Variants in SLC5A12 observed in about 807,000 individuals in gnomAD.
SLC5A12 encodes solute carrier family 5 member 12.
A neutral mutation model predicts 72.7 loss-of-function variants in SLC5A12; 46 were observed. The observed-to-expected ratio is 0.63, with a 90% CI of 0.50 to 0.81. The LOEUF is 0.81. Among genes scored for constraint, SLC5A12 ranks in the 30% least tolerant of loss-of-function variants. SLC5A12 has a pLI of 0.00. For missense variants in SLC5A12, 683 were observed against 740.7 expected (o/e 0.92, Z 0.90); for synonymous variants, 275 against 264.4 (o/e 1.04, Z -0.39).
chr11:26,671,998 T>C (rs374935882), intron 14 of SLC5A12, among the ~76,000 whole-genome samples: 15 of 152,268 alleles, frequency 9.9e-5, no homozygotes, highest in African/African-American at 3.6e-4. Flanking sequence ...AAGCCACTGT[T>C]CAATTATCAA....
intron 1 of SLC5A12, among the ~76,000 whole-genome samples, chr11:26,719,431 G>A (rs1197903140): frequency 6.6e-6 from 1 of 152,040 alleles, no homozygotes; most frequent in African/African-American, 2.4e-5. Context: ...CCTAATCATT[G>A]TGACAACCAA....
intron 4 of SLC5A12, among the ~76,000 whole-genome samples, chr11:26,704,597 A>G (rs1169428567): frequency 6.6e-6 from 1 of 152,182 alleles, no homozygotes; most frequent in East Asian, 1.9e-4. Flanking sequence ...TGTGTGGAGA[A>G]TCAACTGCAG....
chr11:26,689,033 G>C, intron 9 of SLC5A12, among the ~76,000 whole-genome samples: 1 of 139,572 alleles, frequency 7.2e-6, no homozygotes, highest in East Asian at 2.1e-4. Context: ...AATAAACTAT[G>C]AACACACACA....
intron 1 of SLC5A12, among the ~76,000 whole-genome samples, chr11:26,715,344 C>T (rs1855326515): frequency 6.7e-6 from 1 of 149,630 alleles, no homozygotes; most frequent in Non-Finnish European, 1.5e-5. Context: ...GATCAGAAGG[C>T]TTGAGGGTGT....
upstream of SLC5A12, chr11:26,723,279 T>C (rs1267788304): frequency 6.6e-6 from 1 of 152,132 alleles, no homozygotes; most frequent in Non-Finnish European, 1.5e-5. Context: ...AAGGTTTAAT[T>C]AGATAGCTAA....
At chr11:26,700,887 C>T (rs1317218298) in intron 6 of SLC5A12, among the ~76,000 whole-genome samples, 1 of 152,166 alleles carries the variant, frequency 6.6e-6, no homozygotes, top group African/African-American at 2.4e-5. Flanking sequence ...TAACCCATGC[C>T]CACTTTTAGT....
chr11:26,674,403 G>C lies in SLC5A12; in HGVS notation c.1580-874C>G, dbSNP rs575593255. On this transcript the variant is annotated intron_variant, in intron 13 of 14. Transcript: ENST00000396005. ...AAAAAAAATAAAAAAATGTAGATTT[G>C]TTTGTTTTTTGTATGAGACAGAGTC... Among the ~76,000 whole-genome samples, 17 of 136,254 alleles carry C rather than the reference G, an allele frequency of 1.2e-4. No individual in the cohort carries two copies. In the South Asian group the frequency reaches 4.2e-3, roughly 33 times the overall value. The allele number at this position is 136,254 out of a possible 152,430, so 89.4% of individuals were successfully genotyped here.
At chr11:26,683,702 A>G in intron 11 of SLC5A12, 55 bp downstream of exon 11, 2 of 1,443,418 alleles carry the variant, frequency 1.4e-6, no homozygotes, top group East Asian at 4.9e-5. Flanking sequence ...GGAGAGAGAA[A>G]ACGGCTGGGC....
chr11:26,710,142 T>A (rs986030892), intron 3 of SLC5A12, among the ~76,000 whole-genome samples: 2 of 151,958 alleles, frequency 1.3e-5, no homozygotes, highest in Non-Finnish European at 2.9e-5. Flanking sequence ...CTTGTGATAG[T>A]TTGCTGAGAA....
chr11:26,712,613 C>T, intron 2 of SLC5A12, 28 bp downstream of exon 2: 2 of 1,491,514 alleles, frequency 1.3e-6, no homozygotes, highest in Non-Finnish European at 1.8e-6. Flanking sequence ...TCACAGTTTC[C>T]ACATCTGCAG....
intron 1 of SLC5A12, among the ~76,000 whole-genome samples, chr11:26,713,142 C>T (rs1247753341): frequency 3.9e-5 from 6 of 152,120 alleles, no homozygotes; most frequent in Non-Finnish European, 8.8e-5. Context: ...AACCACATAT[C>T]TCCCATATCA....
In SLC5A12 at chr11:26,687,756, GAC is replaced by G. The variant is rs577785391; in HGVS notation, c.1154-1214_1154-1213del. Among the ~76,000 whole-genome samples the G allele has an allele frequency of 2.6e-3, 399 of 152,152 alleles. 1 individual carries two copies. The highest frequency in any genetic ancestry group is 6.5e-3 in the African/African-American group (269 of 41,504). On this transcript the variant is annotated intron_variant, in intron 9 of 14. Transcript: ENST00000396005. ...GCTATCTTTTCCAACTTCTCAATAA[GAC>G]ACACAAAAATAAGGAAACTTCAAGA... is the stretch of plus-strand genomic sequence containing the variant.
In SLC5A12 at chr11:26,680,230, A is replaced by G. The variant is rs145775092; in HGVS notation, c.1475+825T>C. Among the ~76,000 whole-genome samples, 462 of 146,972 alleles carry G rather than the reference A, an allele frequency of 3.1e-3. 15 individuals carry two copies. Among genetic ancestry groups the G allele is most frequent in the East Asian group, 8.0e-3 (39 of 4,848 alleles). ...CTATATTTTCTAGACTTGCTCTTAC[A>G]TACAATTAGAATGTGAGAGTGAACA... is the stretch of plus-strand genomic sequence containing the variant. On this transcript the variant is annotated intron_variant, in intron 12 of 14. Transcript: ENST00000396005.
intron 14 of SLC5A12, among the ~76,000 whole-genome samples, chr11:26,672,229 A>G (rs1485911382): frequency 6.6e-6 from 1 of 152,152 alleles, no homozygotes; most frequent in African/African-American, 2.4e-5. Flanking sequence ...GCTTTAGGTG[A>G]TATACATGCT....
At chr11:26,685,714 T>C (rs993821526) in intron 10 of SLC5A12, among the ~76,000 whole-genome samples, 7 of 152,028 alleles carry the variant, frequency 4.6e-5, no homozygotes, top group Non-Finnish European at 8.8e-5. Context: ...GCTTTGTGAG[T>C]TGGGCAACAT....
chr11:26,670,195 A>G lies in SLC5A12; in HGVS notation c.*907T>C, dbSNP rs1420763716. 6.6e-6 allele frequency: 1 copy of G among 152,160 alleles called. No individual in the cohort carries two copies. Among genetic ancestry groups the G allele is most frequent in the African/African-American group, 2.4e-5 (1 of 41,448 alleles). 9.4% of individuals were successfully genotyped at this position (152,160 alleles called of 1,614,324 possible). A position where few individuals can be genotyped will look rare whatever the true frequency, so the allele number is the denominator to read the frequency against. On this transcript the variant is annotated 3_prime_UTR_variant, in exon 15 of 15. Transcript: ENST00000396005. ...GTCTTATGGACAATGTATTTTCTCCAAAGAAGAATCCTATTGCTGATGAAA... is the reference window on the plus strand; with the variant it reads ...GTCTTATGGACAATGTATTTTCTCCGAAGAAGAATCCTATTGCTGATGAAA...
intron 4 of SLC5A12, among the ~76,000 whole-genome samples, chr11:26,708,344 G>A (rs1205456453): frequency 6.6e-6 from 1 of 151,972 alleles, no homozygotes; most frequent in Non-Finnish European, 1.5e-5. Context: ...GGTGGGAAGA[G>A]TTGAGTGTCT....
rs10655620 is a variant in SLC5A12 at position 26,669,191 on chromosome 11, CTT to C, written c.*1909_*1910del. Reference sequence around the variant, plus strand: ...TTTTTCTTTCTTTCTTTCTTCTTTTCTTTCTTTCTTTCTTTCTTTCTTTCTTT... The same window carrying C: ...TTTTTCTTTCTTTCTTTCTTCTTTTCTCTTTCTTTCTTTCTTTCTTTCTTT... On this transcript the variant is annotated 3_prime_UTR_variant, in exon 15 of 15. Transcript: ENST00000396005. 2.3e-5 allele frequency: 1 copy of C among 43,860 alleles called. No homozygotes were observed. The highest frequency in any genetic ancestry group is 5.5e-5 in the African/African-American group (1 of 18,116). The allele number at this position is 43,860 out of a possible 1,614,324, so 2.7% of individuals were successfully genotyped here. A position where few individuals can be genotyped will look rare whatever the true frequency, so the allele number is the denominator to read the frequency against.
chr11:26,686,748 G>A (rs902960209), intron 9 of SLC5A12, among the ~76,000 whole-genome samples: 5 of 152,138 alleles, frequency 3.3e-5, no homozygotes, highest in Non-Finnish European at 5.9e-5. Context: ...TCAATGACCT[G>A]CTTCCTCATC....
Sources: allele counts gnomAD v4.1 joint callset (sites outside exome capture counted in the v4.1 genomes callset), GRCh38; gene constraint gnomAD v4.1.1; transcripts MANE v1.5; gene names NCBI Gene and HGNC (gene_info 2026-07-23, HGNC 2026-07-21).